STX8: variants seen among roughly 807,000 people sequenced by gnomAD.
STX8 encodes the protein syntaxin 8.
A neutral mutation model predicts 37.5 loss-of-function variants in STX8; 23 were observed. That is an observed-to-expected ratio of 0.61 (90% confidence interval 0.44 to 0.87). The LOEUF (loss-of-function observed/expected upper bound fraction) is 0.87. STX8 is among the 40% of genes least tolerant of loss of function. STX8 has a pLI of 0.00. For missense variants in STX8, 313 were observed against 284.7 expected (o/e 1.10, Z -0.71); for synonymous variants, 115 against 99.1 (o/e 1.16, Z -0.95).
At chr17:9,400,446 G>A (rs8071618) in intron 6 of STX8, among the ~76,000 whole-genome samples, 85,509 of 148,874 alleles carry the variant, frequency 0.57, 24,831 homozygotes, top group East Asian at 0.78. Context: ...GCGCTGTCAC[G>A]CAGGCTGGAG....
chr17:9,498,641 C>T (rs1328928629), intron 5 of STX8, among the ~76,000 whole-genome samples: 1 of 152,118 alleles, frequency 6.6e-6, no homozygotes, highest in African/African-American at 2.4e-5. Flanking sequence ...TGGAGTCTGG[C>T]TAGCCACCTT....
chr17:9,490,901 C>T (rs999184739), intron 6 of STX8, among the ~76,000 whole-genome samples: 2 of 152,230 alleles, frequency 1.3e-5, no homozygotes, highest in East Asian at 1.9e-4. Flanking sequence ...GCCTCTCACA[C>T]GAGGAGGGTG....
At chr17:9,318,086 A>G (rs562202144) in intron 7 of STX8, among the ~76,000 whole-genome samples, 33 of 152,352 alleles carry the variant, frequency 2.2e-4, no homozygotes, top group Admixed American at 9.1e-4. Context: ...AAGGCACAGA[A>G]TAAGCAAATA....
chr17:9,566,442 T>A (rs1376093396), intron 2 of STX8, among the ~76,000 whole-genome samples: 1 of 152,204 alleles, frequency 6.6e-6, no homozygotes, highest in Non-Finnish European at 1.5e-5. Flanking sequence ...GATTCAGCAA[T>A]CCCGTTATTG....
chr17:9,339,747 G>A (rs538194859), intron 7 of STX8, among the ~76,000 whole-genome samples: 200 of 152,310 alleles, frequency 1.3e-3, no homozygotes, highest in Non-Finnish European at 2.4e-3. Flanking sequence ...AGACAGGAAT[G>A]TGCCCGGCTT....
At chr17:9,495,785 A>G (rs928716377) in intron 5 of STX8, among the ~76,000 whole-genome samples, 1 of 152,252 alleles carries the variant, frequency 6.6e-6, no homozygotes, top group Non-Finnish European at 1.5e-5. Flanking sequence ...TCACATTCAT[A>G]ACCTGGGCTT....
intron 7 of STX8, among the ~76,000 whole-genome samples, chr17:9,365,898 A>G (rs552187507): frequency 5.3e-5 from 8 of 152,278 alleles, no homozygotes; most frequent in African/African-American, 1.9e-4. Flanking sequence ...GTTTGAACCC[A>G]GGAGATGGAG....
rs373012813 is a variant in STX8, at chr17:9,324,503, C to T, written c.643+54049G>A. Among the ~76,000 whole-genome samples, 285 of 152,132 alleles carry T rather than the reference C, an allele frequency of 1.9e-3. 2 individuals are homozygous for T. Among genetic ancestry groups the T allele is most frequent in the African/African-American group, 6.3e-3 (263 of 41,484 alleles). On this transcript the variant is annotated intron_variant, in intron 7 of 7. Transcript: ENST00000306357. ...AGAGGCCAGGTGCGGTGGCTCCTGC[C>T]TGTAATCCCTGCACTTTGGGGGGCT...
chr17:9,560,582 T>C (rs913069504), intron 2 of STX8, among the ~76,000 whole-genome samples: 6 of 152,130 alleles, frequency 3.9e-5, no homozygotes, highest in African/African-American at 1.4e-4. Context: ...TGGCACATAG[T>C]TAACTGTGCA....
chr17:9,438,172 G>A (rs9911057), intron 6 of STX8, among the ~76,000 whole-genome samples: 5,753 of 150,740 alleles, frequency 0.038, 324 homozygotes, highest in African/African-American at 0.13. Flanking sequence ...GAACCCGGGA[G>A]GCGGAGGTTG....
In STX8 at chr17:9,293,931, T is replaced by C. The variant is rs574935461; in HGVS notation, c.644-43286A>G. Among the ~76,000 whole-genome samples the C allele has an allele frequency of 8.6e-5, 13 of 151,632 alleles. No homozygotes were observed. The East Asian group carries it at 2.5e-3, about 30-fold the overall frequency. On this transcript the variant is annotated intron_variant, in intron 7 of 7. Transcript: ENST00000306357. ...CACCCGCCACCACGCCTGGCTAATT[T>C]TTTTTTTGTATTTTTAGTAGAGACG...
At chr17:9,415,355 G>A (rs1913148825) in intron 6 of STX8, among the ~76,000 whole-genome samples, 1 of 152,026 alleles carries the variant, frequency 6.6e-6, no homozygotes. Flanking sequence ...GTGTTAGTTT[G>A]CACCTTTCTT....
chr17:9,510,515 A>C (rs1597716859), intron 4 of STX8, among the ~76,000 whole-genome samples: 1 of 152,186 alleles, frequency 6.6e-6, no homozygotes, highest in Non-Finnish European at 1.5e-5. Context: ...ATGCTCTTGA[A>C]CAGCCAGTGA....
chr17:9,516,487 T>C (rs1187370572), intron 4 of STX8, among the ~76,000 whole-genome samples: 3 of 151,738 alleles, frequency 2.0e-5, no homozygotes, highest in Admixed American at 2.0e-4. Context: ...CTGAACTGTC[T>C]AACTCCACTT....
At chr17:9,504,712 C>T (rs981462612) in intron 5 of STX8, among the ~76,000 whole-genome samples, 41 of 152,224 alleles carry the variant, frequency 2.7e-4, no homozygotes, top group Admixed American at 2.7e-3. Flanking sequence ...CGGTGGCTCA[C>T]ACCTGTAATC....
At chr17:9,489,662 T>C (rs756465763) in intron 6 of STX8, among the ~76,000 whole-genome samples, 2 of 150,938 alleles carry the variant, frequency 1.3e-5, no homozygotes, top group African/African-American at 2.4e-5. Context: ...GTACACCAGA[T>C]AGGCAGATTT....
intron 7 of STX8, among the ~76,000 whole-genome samples, chr17:9,271,757 A>G (rs1156244247): frequency 6.6e-6 from 1 of 151,746 alleles, no homozygotes; most frequent in Non-Finnish European, 1.5e-5. Context: ...TCAAAAAAAA[A>G]AAAAAAAAAA....
At chr17:9,272,686 G>C (rs1242285624) in intron 7 of STX8, among the ~76,000 whole-genome samples, 1 of 152,228 alleles carries the variant, frequency 6.6e-6, no homozygotes, top group Non-Finnish European at 1.5e-5. Flanking sequence ...ATGAGACAGA[G>C]AATGTCTAAT....
chr17:9,379,297 C>CTGGG (rs1341326875), intron 6 of STX8, among the ~76,000 whole-genome samples: 1 of 150,304 alleles, frequency 6.7e-6, no homozygotes, highest in Non-Finnish European at 1.5e-5. Context: ...CAGGGACTAC[C>CTGGG]TGGGCCCTTC....
Sources: gnomAD v4.1 joint callset for allele counts (sites outside exome capture counted in the v4.1 genomes callset) on GRCh38, gnomAD v4.1.1 for gene constraint, MANE v1.5 for transcripts, NCBI Gene and HGNC (gene_info 2026-07-23, HGNC 2026-07-21) for gene names.